GNG7: variants seen among roughly 807,000 people sequenced by gnomAD.
The protein encoded by GNG7 is G protein subunit gamma 7.
GNG7 carries 1 observed loss-of-function variant against 4.0 expected under a neutral mutation model. The ratio of observed to expected loss-of-function variants is 0.25; its 90% CI spans 0.09 to 1.18. The LOEUF (loss-of-function observed/expected upper bound fraction) is 1.18. GNG7 is among the 50% of genes most tolerant of loss of function. The probability of loss-of-function intolerance (pLI) is 0.50; values close to 1 mark genes in which losing one functional copy is unlikely to be tolerated. For missense variants in GNG7, 86 were observed against 91.9 expected (o/e 0.94, Z 0.26); for synonymous variants, 34 against 36.9 (o/e 0.92, Z 0.29).
At chr19:2,648,027 CAAA>C (rs56125421) in intron 1 of GNG7, among the ~76,000 whole-genome samples, 5,816 of 64,132 alleles carry the variant, frequency 0.091, 69 homozygotes, top group South Asian at 0.25. Context: ...GACCCTGTCT[CAAA>C]AAAAAAAAAA....
intron 1 of GNG7, among the ~76,000 whole-genome samples, chr19:2,658,690 C>T (rs1164843106): frequency 2.0e-5 from 3 of 152,238 alleles, no homozygotes; most frequent in Admixed American, 6.5e-5. Context: ...TGTAACTCCA[C>T]GCTTAGGAGG....
At chr19:2,693,139 C>T (rs988857834) in intron 1 of GNG7, among the ~76,000 whole-genome samples, 9 of 151,418 alleles carry the variant, frequency 5.9e-5, no homozygotes, top group Admixed American at 1.3e-4. Flanking sequence ...AAAAATTAGC[C>T]GGATATGGTG....
In GNG7 at chr19:2,575,694, GAC is replaced by G. The variant is rs1319046273; in HGVS notation, c.-77-20508_-77-20507del. ...ACATGCAGACACGCAGGCACACGCA[GAC>G]ACACGCAGACAGGCAGGCACACGCA... On this transcript the variant is annotated intron_variant, in intron 2 of 4. Coordinates refer to ENST00000382159, the MANE Select transcript of GNG7 (RefSeq NM_052847.3). 6.0e-5 allele frequency among the ~76,000 whole-genome samples: 7 copies of G among 117,178 alleles called. 1 individual carries two copies. Among genetic ancestry groups the G allele is most frequent in the Non-Finnish European group, 1.0e-4 (6 of 58,602 alleles). 76.9% of individuals were successfully genotyped at this position (117,178 alleles called of 152,430 possible).
intron 1 of GNG7, among the ~76,000 whole-genome samples, chr19:2,695,870 C>T (rs1281729435): frequency 6.6e-6 from 1 of 152,038 alleles, no homozygotes; most frequent in Non-Finnish European, 1.5e-5. Flanking sequence ...AGAAAGCAGA[C>T]AGAAGGGGCC....
chr19:2,562,295 T>C, intron 2 of GNG7, among the ~76,000 whole-genome samples: 1 of 144,992 alleles, frequency 6.9e-6, no homozygotes, highest in East Asian at 1.9e-4. Context: ...TCTTTCTTTT[T>C]TTTTTTGAGA....
At chr19:2,522,943 C>A (rs1384122032) in intron 3 of GNG7, among the ~76,000 whole-genome samples, 1 of 151,000 alleles carries the variant, frequency 6.6e-6, no homozygotes, top group Non-Finnish European at 1.5e-5. Context: ...CAGCTCACTG[C>A]AAGCTCCGCT....
chr19:2,562,910 G>A (rs79939083), intron 2 of GNG7, among the ~76,000 whole-genome samples: 1 of 151,906 alleles, frequency 6.6e-6, no homozygotes, highest in African/African-American at 2.4e-5. Flanking sequence ...CTGGTGTCCA[G>A]TGTGAGCAAG....
chr19:2,643,269 C>G lies in GNG7; in HGVS notation c.-78+2955G>C, dbSNP rs1287413788. 4 of 431,914 alleles carry G rather than the reference C, an allele frequency of 9.3e-6. No individual in the cohort carries two copies. In the East Asian group the frequency reaches 2.9e-4, roughly 32 times the overall value. 26.8% of individuals were successfully genotyped at this position (431,914 alleles called of 1,614,324 possible). A position where few individuals can be genotyped will look rare whatever the true frequency, so the allele number is the denominator to read the frequency against. ...AGCCTCTCCGGGCTCTGCACACCTT[C>G]CCGCCCTGCACCATGTGCACCGGAA... On this transcript the variant is annotated intron_variant, in intron 2 of 4. Coordinates refer to ENST00000382159, the MANE Select transcript of GNG7 (RefSeq NM_052847.3).
chr19:2,693,228 G>T (rs1034482412), intron 1 of GNG7, among the ~76,000 whole-genome samples: 1 of 151,534 alleles, frequency 6.6e-6, no homozygotes, highest in African/African-American at 2.4e-5. Context: ...GACCAGTCTA[G>T]GCAACATAGC....
chr19:2,700,441 C>A (rs1049185972), intron 1 of GNG7, among the ~76,000 whole-genome samples: 6 of 152,192 alleles, frequency 3.9e-5, no homozygotes, highest in African/African-American at 1.4e-4. Context: ...CCACAACCAG[C>A]CATGCAGGTT....
At chr19:2,565,011 T>G (rs1979857591) in intron 2 of GNG7, among the ~76,000 whole-genome samples, 1 of 151,102 alleles carries the variant, frequency 6.6e-6, no homozygotes, top group Non-Finnish European at 1.5e-5. Flanking sequence ...GTCAACACAG[T>G]GAGACCCTGT....
Position 2,609,386 on chromosome 19 carries a change from T to C in GNG7, c.-78+36838A>G, listed in dbSNP as rs375949260. The stretch of plus-strand genomic sequence containing the variant: ...GTCGCTGAGGTTTTTTAGCGCCCCC[T>C]TCAATTTTGTGCCCAGTGTGAATAC... On this transcript the variant is annotated intron_variant, in intron 2 of 4. Coordinates refer to ENST00000382159, the MANE Select transcript of GNG7 (RefSeq NM_052847.3). The surrounding 1 kb of genome is among the most constrained non-coding windows in gnomAD (Gnocchi z 4.4). Among the ~76,000 whole-genome samples, 8 of 152,214 alleles carry C rather than the reference T, an allele frequency of 5.3e-5. No homozygotes were observed. The highest frequency in any genetic ancestry group is 1.9e-4 in the East Asian group (1 of 5,180).
Position 2,585,850 on chromosome 19 carries a change from G to A in GNG7, c.-77-30662C>T, listed in dbSNP as rs188362473. 2.1e-3 allele frequency among the ~76,000 whole-genome samples: 318 copies of A among 152,078 alleles called. 1 individual carries two copies. Among genetic ancestry groups the A allele is most frequent in the African/African-American group, 6.9e-3 (287 of 41,494 alleles). On this transcript the variant is annotated intron_variant, in intron 2 of 4. Transcript: ENST00000382159. The stretch of plus-strand genomic sequence containing the variant: ...CGAGTAGCTGGGATTACAGGCACCC[G>A]CCACCACGCCCGGCTATTTTTTTGT...
intron 2 of GNG7, among the ~76,000 whole-genome samples, chr19:2,568,401 C>T (rs570486016): frequency 1.3e-3 from 201 of 150,952 alleles, no homozygotes; most frequent in African/African-American, 3.8e-3. Flanking sequence ...CACAAACACA[C>T]ACACATATAC....
At chr19:2,701,445 C>T (rs1272318382) in intron 1 of GNG7, among the ~76,000 whole-genome samples, 2 of 150,400 alleles carry the variant, frequency 1.3e-5, no homozygotes, top group Non-Finnish European at 3.0e-5. Context: ...ACCCCACACA[C>T]TCACAAGCTC....
intron 1 of GNG7, among the ~76,000 whole-genome samples, chr19:2,670,963 G>A (rs1233254083): frequency 6.6e-6 from 1 of 152,178 alleles, no homozygotes; most frequent in Non-Finnish European, 1.5e-5. Flanking sequence ...GGGAGGGAGA[G>A]AGGGGGTGAA....
chr19:2,551,209 T>C (rs1479990855), intron 3 of GNG7, among the ~76,000 whole-genome samples: 2 of 152,112 alleles, frequency 1.3e-5, no homozygotes, highest in African/African-American at 2.4e-5. Context: ...CCCTGGCCGT[T>C]TGACCTCCAG....
At chr19:2,681,748 C>T (rs758568166) in intron 1 of GNG7, among the ~76,000 whole-genome samples, 1 of 152,118 alleles carries the variant, frequency 6.6e-6, no homozygotes, top group African/African-American at 2.4e-5. Flanking sequence ...TGAGGATCCC[C>T]GTGTCTCTAC....
chr19:2,584,874 GGGAGGGAT>G (rs1980612458), intron 2 of GNG7, among the ~76,000 whole-genome samples: 1 of 38,956 alleles, frequency 2.6e-5, no homozygotes, highest in Non-Finnish European at 4.0e-5. Flanking sequence ...GAGGGAGGGA[GGGAGGGAT>G]AGAGGGAGGG....
Sources: allele counts gnomAD v4.1 joint callset (sites outside exome capture counted in the v4.1 genomes callset), GRCh38; gene constraint gnomAD v4.1.1; non-coding constraint Gnocchi (gnomAD v3.1); transcripts MANE v1.5; gene names NCBI Gene and HGNC (gene_info 2026-07-23, HGNC 2026-07-21).